Variants in MECOM observed in about 807,000 individuals in gnomAD.
MECOM encodes the protein histone-lysine N-methyltransferase MECOM.
Under a neutral mutation model 116.3 loss-of-function variants are expected in MECOM, and 13 were observed. The ratio of observed to expected loss-of-function variants is 0.11; its 90% confidence interval spans 0.07 to 0.18. The LOEUF (loss-of-function observed/expected upper bound fraction) is 0.18. Among genes scored for constraint, MECOM ranks in the 10% least tolerant of loss-of-function variants. The pLI is 1.00. For synonymous variants in MECOM, 528 were observed against 535.2 expected (o/e 0.99, Z 0.19); for missense variants, 1,299 against 1,509.0 (o/e 0.86, Z 2.31).
At chr3:169,129,386 G>A (rs1467220670) in intron 4 of MECOM, among the ~76,000 whole-genome samples, 4 of 132,232 alleles carry the variant, frequency 3.0e-5, no homozygotes, top group Non-Finnish European at 4.8e-5. Context: ...GGGAAAGCAG[G>A]GATATATTCA....
At chr3:169,146,901 C>T (rs953364918) in intron 2 of MECOM, 1 of 1,029,244 alleles carries the variant, frequency 9.7e-7, no homozygotes, top group Non-Finnish European at 1.2e-6. Context: ...AGCCTCGCGT[C>T]TCGATTTCCA....
intron 2 of MECOM, among the ~76,000 whole-genome samples, chr3:169,309,878 A>C (rs1718424051): frequency 6.6e-6 from 1 of 152,206 alleles, no homozygotes; most frequent in Non-Finnish European, 1.5e-5. Flanking sequence ...TGATGTCTGC[A>C]GACCCTGTCA....
intron 2 of MECOM, among the ~76,000 whole-genome samples, chr3:169,311,032 G>A (rs763570067): frequency 3.3e-5 from 5 of 152,146 alleles, no homozygotes; most frequent in Non-Finnish European, 5.9e-5. Flanking sequence ...GGGAAAACAG[G>A]TATTACATTT....
At chr3:169,135,056 TATA>T (rs1442484960) in intron 3 of MECOM, among the ~76,000 whole-genome samples, 5 of 152,140 alleles carry the variant, frequency 3.3e-5, no homozygotes, top group African/African-American at 1.2e-4. Flanking sequence ...AAAATAGAGT[TATA>T]ATGTCTTTAA....
intron 4 of MECOM, among the ~76,000 whole-genome samples, chr3:169,130,993 T>C (rs1459795792): frequency 6.6e-6 from 1 of 152,116 alleles, no homozygotes; most frequent in Non-Finnish European, 1.5e-5. Flanking sequence ...CTGACACCCC[T>C]CCCATATGGT....
chr3:169,220,000 T>C (rs763747883), intron 2 of MECOM, among the ~76,000 whole-genome samples: 32 of 149,998 alleles, frequency 2.1e-4, no homozygotes, highest in Non-Finnish European at 4.0e-4. Flanking sequence ...AATATAAATA[T>C]AAGTAAATAA....
intron 2 of MECOM, among the ~76,000 whole-genome samples, chr3:169,205,972 C>G (rs967234265): frequency 1.3e-5 from 2 of 152,172 alleles, no homozygotes; most frequent in African/African-American, 4.8e-5. Flanking sequence ...ACTTAACTTG[C>G]ATCTTCCCTT....
At chr3:169,192,307 T>C (rs1364306814) in intron 2 of MECOM, among the ~76,000 whole-genome samples, 2 of 152,078 alleles carry the variant, frequency 1.3e-5, no homozygotes, top group Non-Finnish European at 2.9e-5. Context: ...TTCAAGGCAG[T>C]GATACACAAT....
chr3:169,627,810 C>T (rs1219560769), intron 1 of MECOM, among the ~76,000 whole-genome samples: 5 of 152,154 alleles, frequency 3.3e-5, no homozygotes, highest in African/African-American at 1.2e-4. Context: ...TACCATAAAG[C>T]ACGTTTATAA....
rs141630827 is a variant in MECOM, at chr3:169,569,970, G to A, written c.37+93366C>T. 7.2e-5 allele frequency among the ~76,000 whole-genome samples: 11 copies of A among 151,854 alleles called. No individual in the cohort carries two copies. The East Asian group carries it at 1.9e-3, about 27-fold the overall frequency. ...GAGCAAACAAATTCAAAAACTAACAGAAGAAATAACTAAGATCAGAATAGA... is the reference window on the plus strand; with the variant it reads ...GAGCAAACAAATTCAAAAACTAACAAAAGAAATAACTAAGATCAGAATAGA... On this transcript the variant is annotated intron_variant, in intron 1 of 16. Coordinates refer to ENST00000651503, the MANE Select transcript of MECOM (RefSeq NM_004991.4).
intron 2 of MECOM, among the ~76,000 whole-genome samples, chr3:169,235,330 T>C (rs1292436161): frequency 2.6e-5 from 4 of 152,146 alleles, no homozygotes; most frequent in African/African-American, 9.7e-5. Flanking sequence ...TGTCATGAAA[T>C]GTTGCTGTTT....
intron 1 of MECOM, among the ~76,000 whole-genome samples, chr3:169,622,133 A>G (rs1770811955): frequency 6.6e-6 from 1 of 152,176 alleles, no homozygotes; most frequent in Non-Finnish European, 1.5e-5. Context: ...CTTGTTGCCC[A>G]TGCTGGAGTG....
chr3:169,479,329 G>A (rs1750939920), intron 1 of MECOM, among the ~76,000 whole-genome samples: 1 of 151,434 alleles, frequency 6.6e-6, no homozygotes, highest in African/African-American at 2.4e-5. Context: ...AGAAGGAAAG[G>A]GAGGCGTCTA....
At chr3:169,198,904 C>T (rs747323884) in intron 2 of MECOM, among the ~76,000 whole-genome samples, 6 of 151,446 alleles carry the variant, frequency 4.0e-5, no homozygotes, top group Non-Finnish European at 7.4e-5. Context: ...GAAAATCCTT[C>T]CTGTGGAAAA....
chr3:169,412,078 G>A (rs550924492), intron 1 of MECOM, among the ~76,000 whole-genome samples: 1 of 151,898 alleles, frequency 6.6e-6, no homozygotes, highest in Admixed American at 6.5e-5. Context: ...CTGAGATCAG[G>A]GGTTCAAGAC....
chr3:169,659,084 A>AG (rs939867446), intron 1 of MECOM, among the ~76,000 whole-genome samples: 20 of 139,186 alleles, frequency 1.4e-4, no homozygotes, highest in African/African-American at 6.3e-4. Context: ...AAAAAAAAAA[A>AG]AAAAAAAGAA....
At chr3:169,333,686 G>A (rs1016994954) in intron 2 of MECOM, among the ~76,000 whole-genome samples, 2 of 151,766 alleles carry the variant, frequency 1.3e-5, no homozygotes, top group Non-Finnish European at 2.9e-5. Flanking sequence ...AATCATTGTT[G>A]CAGGTAAAGA....
intron 1 of MECOM, among the ~76,000 whole-genome samples, chr3:169,407,337 C>T (rs1736866847): frequency 6.6e-6 from 1 of 152,196 alleles, no homozygotes; most frequent in East Asian, 1.9e-4. Context: ...CCAGGTAATT[C>T]TCTAACTTAA....
At chr3:169,125,382 G>GAT (rs564692337) in intron 5 of MECOM, among the ~76,000 whole-genome samples, 12 of 152,118 alleles carry the variant, frequency 7.9e-5, no homozygotes, top group Admixed American at 7.9e-4. Context: ...GCCATTTTAT[G>GAT]ATATATATTC....
Sources: gnomAD v4.1 joint callset for allele counts (sites outside exome capture counted in the v4.1 genomes callset) on GRCh38, gnomAD v4.1.1 for gene constraint, MANE v1.5 for transcripts, NCBI Gene and HGNC (gene_info 2026-07-23, HGNC 2026-07-21) for gene names.